Variants in DAB1 observed in about 807,000 individuals in gnomAD.
DAB1 encodes disabled homolog 1.
A neutral mutation model predicts 64.6 loss-of-function variants in DAB1; 15 were observed. That is an observed-to-expected ratio of 0.23 (90% CI 0.16 to 0.36). DAB1 has a LOEUF of 0.36. Ranked by LOEUF, DAB1 falls within the 10% of genes least tolerant of loss-of-function variation. The pLI is 1.00. For synonymous variants in DAB1, 235 were observed against 251.9 expected (o/e 0.93, Z 0.64); for missense variants, 596 against 706.7 (o/e 0.84, Z 1.78).
intron 7 of DAB1, among the ~76,000 whole-genome samples, chr1:57,490,925 T>A (rs1644154764): frequency 6.6e-6 from 1 of 152,208 alleles, no homozygotes. Context: ...ACAGGTAGAA[T>A]TTTTTCACAG....
intron 7 of DAB1, among the ~76,000 whole-genome samples, chr1:57,630,083 A>G (rs1280926531): frequency 6.6e-6 from 1 of 152,228 alleles, no homozygotes; most frequent in Non-Finnish European, 1.5e-5. Flanking sequence ...TGATAATGGC[A>G]TAGCAGCAAA....
chr1:58,166,799 C>G (rs1399854189), intron 4 of DAB1, among the ~76,000 whole-genome samples: 1 of 149,476 alleles, frequency 6.7e-6, no homozygotes, highest in Non-Finnish European at 1.5e-5. Context: ...GTCACCCAGG[C>G]TGGAGTGTAG....
At chr1:57,552,070 C>T (rs191344174) in intron 7 of DAB1, among the ~76,000 whole-genome samples, 17 of 152,286 alleles carry the variant, frequency 1.1e-4, no homozygotes, top group Admixed American at 1.1e-3. Flanking sequence ...TCCTCCTGTA[C>T]ATCGCAGTAA....
chr1:57,767,048 A>G (rs1323827), intron 6 of DAB1, among the ~76,000 whole-genome samples: 88,098 of 151,982 alleles, frequency 0.58, 25,681 homozygotes, highest in East Asian at 0.65. Flanking sequence ...CAGCCCATCA[A>G]TGTGTTCACT....
At chr1:57,455,099 A>T (rs542538863) in intron 7 of DAB1, among the ~76,000 whole-genome samples, 7 of 152,144 alleles carry the variant, frequency 4.6e-5, no homozygotes, top group Non-Finnish European at 8.8e-5. Context: ...GGAAGTGCCA[A>T]TGGGATTTCA....
In DAB1 at chr1:57,480,873, G is replaced by A. The variant is rs1644009961; in HGVS notation, n.625+168719C>T. The stretch of plus-strand genomic sequence containing the variant: ...GATGAGAAAGCTGAGGCTCAGAGAA[G>A]TTGTGACTAAAGCCCGCCCTCTTCC... On this transcript the variant is annotated intron_variant and non_coding_transcript_variant, in intron 7 of 20. Coordinates refer to the DAB1 transcript ENST00000485760. Among the ~76,000 whole-genome samples the A allele has an allele frequency of 2.0e-5, 3 of 152,004 alleles. No homozygotes were observed. The South Asian group carries it at 6.2e-4, about 32-fold the overall frequency.
At chr1:57,406,292 C>A (rs1266383833) in intron 1 of DAB1, among the ~76,000 whole-genome samples, 1 of 152,190 alleles carries the variant, frequency 6.6e-6, no homozygotes, top group African/African-American at 2.4e-5. Context: ...TAGATACTAA[C>A]CCTCCCTTAC....
chr1:58,206,585 T>A (rs1379547453), intron 4 of DAB1, among the ~76,000 whole-genome samples: 1 of 152,190 alleles, frequency 6.6e-6, no homozygotes, highest in African/African-American at 2.4e-5. Flanking sequence ...AAATAATATA[T>A]CTACCTGCTG....
At chr1:57,837,774 A>G in intron 1 of DAB1, among the ~76,000 whole-genome samples, 1 of 147,982 alleles carries the variant, frequency 6.8e-6, no homozygotes, top group Non-Finnish European at 1.5e-5. Context: ...CATCCCTACC[A>G]CCTCCACCAC....
At chr1:58,002,719 T>C (rs1438815794) in intron 5 of DAB1, among the ~76,000 whole-genome samples, 2 of 152,100 alleles carry the variant, frequency 1.3e-5, no homozygotes, top group Non-Finnish European at 2.9e-5. Context: ...ATCCACAACA[T>C]TCTAAATAAA....
intron 3 of DAB1, among the ~76,000 whole-genome samples, chr1:58,428,929 C>T (rs1397055112): frequency 6.6e-6 from 1 of 152,202 alleles, no homozygotes; most frequent in Non-Finnish European, 1.5e-5. Flanking sequence ...GGGAGGGGTG[C>T]TGCTGACTAC....
intron 7 of DAB1, among the ~76,000 whole-genome samples, chr1:57,457,100 G>C (rs17426492): frequency 1.3e-5 from 2 of 152,110 alleles, no homozygotes; most frequent in Non-Finnish European, 2.9e-5. Context: ...ACAAAGAAAC[G>C]AGGGATCCTG....
chr1:58,536,440 T>C (rs1646518316), intron 1 of DAB1: 13 of 717,264 alleles, frequency 1.8e-5, no homozygotes, highest in Non-Finnish European at 3.2e-5. Context: ...AACATATCTT[T>C]CACATTTAAG....
intron 6 of DAB1, among the ~76,000 whole-genome samples, chr1:57,654,655 T>A (rs930950657): frequency 3.3e-5 from 5 of 152,200 alleles, no homozygotes; most frequent in African/African-American, 1.2e-4. Flanking sequence ...AACTCTTCTC[T>A]CATTTTTTCT....
At position 57,363,002 on chromosome 1, in the gene DAB1, A is replaced by C. The variant is rs996793155; in HGVS notation, c.-137+60928T>G. ...AAATATAGTAAAACTCAAAAGATAGATTATTACTACTTTTCATTTCTTAGG... is the reference window on the plus strand; with the variant it reads ...AAATATAGTAAAACTCAAAAGATAGCTTATTACTACTTTTCATTTCTTAGG... On this transcript the variant is annotated intron_variant, in intron 1 of 14. Transcript: ENST00000371236. Among the ~76,000 whole-genome samples, 9 of 152,342 alleles carry C rather than the reference A, an allele frequency of 5.9e-5. No individual in the cohort carries two copies. In the South Asian group the frequency reaches 1.9e-3, roughly 32 times the overall value.
intron 3 of DAB1, among the ~76,000 whole-genome samples, chr1:58,408,063 T>A (rs1644633925): frequency 6.6e-6 from 1 of 152,106 alleles, no homozygotes; most frequent in African/African-American, 2.4e-5. Flanking sequence ...AGCCTCAGCA[T>A]CGCCTGAAAT....
intron 7 of DAB1, among the ~76,000 whole-genome samples, chr1:57,629,420 A>G (rs1236993970): frequency 6.6e-6 from 1 of 152,148 alleles, no homozygotes; most frequent in East Asian, 1.9e-4. Context: ...CTAGGGCCCT[A>G]TAGAGGTAAG....
At position 58,164,283 on chromosome 1, in the gene DAB1, T is replaced by A. The variant is rs953489943; in HGVS notation, n.310-13695A>T. Reference sequence around the variant, plus strand: ...TCATATTCACTTTTAAGGCTTTACATCACATCTCCAAGCAATAGTGGATAC... The same window carrying A: ...TCATATTCACTTTTAAGGCTTTACAACACATCTCCAAGCAATAGTGGATAC... On this transcript the variant is annotated intron_variant and non_coding_transcript_variant, in intron 4 of 20. Coordinates refer to the DAB1 transcript ENST00000485760. Among the ~76,000 whole-genome samples the A allele has an allele frequency of 2.0e-5, 3 of 150,666 alleles. No individual in the cohort carries two copies. In the East Asian group the frequency reaches 6.0e-4, roughly 30 times the overall value.
intron 4 of DAB1, among the ~76,000 whole-genome samples, chr1:57,087,984 A>G (rs1653257316): frequency 6.6e-6 from 1 of 152,186 alleles, no homozygotes. Context: ...ACCAAGCTCT[A>G]CTTGGCTCCT....
Sources: gnomAD v4.1 joint callset for allele counts (sites outside exome capture counted in the v4.1 genomes callset) on GRCh38, gnomAD v4.1.1 for gene constraint, MANE v1.5 for transcripts, NCBI Gene and HGNC (gene_info 2026-07-23, HGNC 2026-07-21) for gene names.